The following SKAP1 variants were observed in gnomAD, a reference collection of about 807,000 sequenced individuals.
SKAP1 encodes src kinase-associated phosphoprotein 1.
Under a neutral mutation model 58.5 loss-of-function variants are expected in SKAP1, and 44 were observed. The observed-to-expected ratio is 0.75, with a 90% confidence interval of 0.59 to 0.97. SKAP1 has a LOEUF of 0.97. Ranked by LOEUF, SKAP1 falls within the 50% of genes least tolerant of loss-of-function variation. The probability of loss-of-function intolerance (pLI) is 0.00; values close to 1 mark genes in which losing one functional copy is unlikely to be tolerated. For synonymous variants in SKAP1, 127 were observed against 149.7 expected, an observed-to-expected ratio of 0.85 and a Z score of 1.11; for missense variants, 390 against 435.2, an observed-to-expected ratio of 0.90 and a Z score of 0.92.
intron 3 of SKAP1, among the ~76,000 whole-genome samples, chr17:48,361,504 C>T (rs945035634): frequency 1.4e-4 from 21 of 152,292 alleles, no homozygotes; most frequent in African/African-American, 2.9e-4. Flanking sequence ...CCACCGCACC[C>T]GGCCAAGGCT....
intron 4 of SKAP1, among the ~76,000 whole-genome samples, chr17:48,264,263 T>C (rs566922870): frequency 1.8e-4 from 26 of 148,390 alleles, no homozygotes; most frequent in Middle Eastern, 6.9e-3. Context: ...CATATATATA[T>C]ACACACACAC....
chr17:48,368,477 C>A (rs1371587193), intron 2 of SKAP1, among the ~76,000 whole-genome samples: 1 of 152,188 alleles, frequency 6.6e-6, no homozygotes, highest in East Asian at 1.9e-4. Flanking sequence ...TATAAATGCA[C>A]ACATACAGAG....
chr17:48,253,120 C>T (rs1356653871), intron 4 of SKAP1, among the ~76,000 whole-genome samples: 3 of 152,028 alleles, frequency 2.0e-5, no homozygotes, highest in African/African-American at 7.2e-5. Context: ...GGTTGTGAGC[C>T]ATCCTAGCTC....
chr17:48,258,480 GT>G (rs1326587638), intron 4 of SKAP1, among the ~76,000 whole-genome samples: 3 of 152,124 alleles, frequency 2.0e-5, no homozygotes, highest in Non-Finnish European at 2.9e-5. Flanking sequence ...TGCAACAAGA[GT>G]TTTAATGCCA....
At position 48,429,989 on chromosome 17, in the gene SKAP1, C is replaced by A. The variant is rs903867681; in HGVS notation, c.46+86G>T. On this transcript the variant is annotated intron_variant, in intron 1 of 12. Coordinates refer to ENST00000336915, the MANE Select transcript of SKAP1 (RefSeq NM_003726.4). ...TCTAGAAGGAGGTGAGTGACGAAGC[C>A]GTAAAGAAAGCCTGGCCGTGGGAGG... is the stretch of plus-strand genomic sequence containing the variant. 7.1e-6 allele frequency: 8 copies of A among 1,124,108 alleles called. No homozygotes were observed. The South Asian group carries it at 2.2e-4, about 31-fold the overall frequency. The allele number at this position is 1,124,108 out of a possible 1,614,324, so 69.6% of individuals were successfully genotyped here.
the SKAP1 span, among the ~76,000 whole-genome samples, chr17:48,437,073 CTCTT>C: frequency 6.6e-6 from 1 of 152,172 alleles, no homozygotes; most frequent in Non-Finnish European, 1.5e-5. Flanking sequence ...TTTCATTTCT[CTCTT>C]TGTTCTCTGA....
intron 1 of SKAP1, among the ~76,000 whole-genome samples, chr17:48,400,398 C>T (rs1013445802): frequency 1.1e-4 from 16 of 151,918 alleles, no homozygotes; most frequent in Non-Finnish European, 7.4e-5. Context: ...CACGCCCAGC[C>T]AATCAACTGT....
chr17:48,166,301 T>G (rs1225245501), intron 10 of SKAP1, among the ~76,000 whole-genome samples: 2 of 152,198 alleles, frequency 1.3e-5, no homozygotes, highest in African/African-American at 4.8e-5. Flanking sequence ...AAAGTATTGG[T>G]TTCTTTTTTC....
intron 4 of SKAP1, among the ~76,000 whole-genome samples, chr17:48,245,341 A>T (rs1489877246): frequency 1.3e-5 from 2 of 152,166 alleles, no homozygotes; most frequent in African/African-American, 4.8e-5. Context: ...ACACATTCTG[A>T]CAAAATAGTT....
At chr17:48,249,919 T>A (rs1343471905) in intron 4 of SKAP1, among the ~76,000 whole-genome samples, 1 of 151,880 alleles carries the variant, frequency 6.6e-6, no homozygotes. Flanking sequence ...ACAGATCTGT[T>A]ACAGCTCAGA....
At chr17:48,322,775 G>A (rs537488280) in intron 4 of SKAP1, among the ~76,000 whole-genome samples, 4 of 152,334 alleles carry the variant, frequency 2.6e-5, no homozygotes, top group South Asian at 2.1e-4. Context: ...CATAGCCCCT[G>A]TGAAATAAGG....
chr17:48,441,248 T>C, the SKAP1 span, among the ~76,000 whole-genome samples: 1 of 152,166 alleles, frequency 6.6e-6, no homozygotes, highest in African/African-American at 2.4e-5. Context: ...CAACAAGGAA[T>C]CTCAGAATTT....
At chr17:48,295,168 A>C (rs2065950359) in intron 4 of SKAP1, among the ~76,000 whole-genome samples, 1 of 152,184 alleles carries the variant, frequency 6.6e-6, no homozygotes, top group Non-Finnish European at 1.5e-5. Context: ...TTTTGCACGA[A>C]GCAACTGGGC....
intron 4 of SKAP1, among the ~76,000 whole-genome samples, chr17:48,304,171 C>G (rs1320475169): frequency 6.6e-6 from 1 of 152,054 alleles, no homozygotes; most frequent in Non-Finnish European, 1.5e-5. Context: ...CATAATGGAC[C>G]TCTATAAAAA....
chr17:48,163,347 G>GCCATCT (rs1353436721), intron 10 of SKAP1, among the ~76,000 whole-genome samples: 1 of 152,164 alleles, frequency 6.6e-6, no homozygotes, highest in Admixed American at 6.5e-5. Flanking sequence ...GAGATTTACT[G>GCCATCT]AGCTTCTCAG....
intron 4 of SKAP1, among the ~76,000 whole-genome samples, chr17:48,257,801 T>A (rs978801975): frequency 2.6e-5 from 4 of 151,964 alleles, no homozygotes; most frequent in Non-Finnish European, 5.9e-5. Context: ...ATTAGTCTTT[T>A]AAAAATAACT....
intron 2 of SKAP1, among the ~76,000 whole-genome samples, chr17:48,375,721 A>T (rs2067142113): frequency 6.6e-6 from 1 of 152,244 alleles, no homozygotes; most frequent in South Asian, 2.1e-4. Context: ...GGCAAAATAA[A>T]AACACTAAAC....
chr17:48,212,093 A>C (rs1324630183), intron 4 of SKAP1, among the ~76,000 whole-genome samples: 1 of 151,692 alleles, frequency 6.6e-6, no homozygotes, highest in East Asian at 1.9e-4. Context: ...TACTGCACAC[A>C]GCTAAATAAG....
chr17:48,380,432 C>CAAAAACA (rs1001029404), intron 2 of SKAP1: 3 of 152,118 alleles, frequency 2.0e-5, no homozygotes, highest in East Asian at 1.9e-4. Flanking sequence ...TCACTTACCT[C>CAAAAACA]AAAAACAAAA....
Sources: allele counts gnomAD v4.1 joint callset (sites outside exome capture counted in the v4.1 genomes callset), GRCh38; gene constraint gnomAD v4.1.1; transcripts MANE v1.5; gene names NCBI Gene and HGNC (gene_info 2026-07-23, HGNC 2026-07-21).